Variants in PCDHGA10 observed in about 807,000 individuals in gnomAD.
PCDHGA10 encodes protocadherin gamma-A10.
Under a neutral mutation model 59.5 loss-of-function variants are expected in PCDHGA10, and 42 were observed. That is an observed-to-expected ratio of 0.71 (90% CI 0.55 to 0.91). The LOEUF (loss-of-function observed/expected upper bound fraction) is 0.91. Ranked by LOEUF, PCDHGA10 falls within the 40% of genes least tolerant of loss-of-function variation. The probability of loss-of-function intolerance (pLI) is 0.00; values close to 1 mark genes in which losing one functional copy is unlikely to be tolerated. For missense variants in PCDHGA10, 1,111 were observed against 1,198.2 expected (o/e 0.93, Z 1.07); for synonymous variants, 511 against 517.2 (o/e 0.99, Z 0.16).
Position 141,432,917 on chromosome 5 carries a change from C to A in PCDHGA10, c.2436+17306C>A. 6.2e-7 allele frequency: 1 copy of A among 1,614,166 alleles called. No homozygotes were observed. Among genetic ancestry groups the A allele is most frequent in the South Asian group, 1.1e-5 (1 of 91,086 alleles). On this transcript the variant is annotated intron_variant, in intron 1 of 3. Transcript: ENST00000398610. This position sits in a 1 kb window ranked among gnomAD's most constrained non-coding sequence, Gnocchi z 6.0. The stretch of plus-strand genomic sequence containing the variant: ...GCTGGCGCTCAGGCTGCGGCGCTGG[C>A]ACAAGTCACGCCTGCTGCAGGCTTC...
At position 141,489,295 on chromosome 5, in the gene PCDHGA10, T is replaced by C. The variant is rs2099685128; in HGVS notation, c.2437-5512T>C. 1.3e-6 allele frequency: 2 copies of C among 1,581,054 alleles called. No individual in the cohort carries two copies. The highest frequency in any genetic ancestry group is 1.7e-5 in the Admixed American group (1 of 57,148). ...TGGGAAATGGCAAGTGCTGTGCATG[T>C]TGTCCTTGTGCTGCTGGGGCTGGGT... On this transcript the variant is annotated intron_variant, in intron 1 of 3. Transcript: ENST00000398610. The surrounding 1 kb of genome is among the most constrained non-coding windows in gnomAD (Gnocchi z 4.5).
In PCDHGA10 at chr5:141,431,788, T is replaced by G. The variant is rs775397713; in HGVS notation, c.2436+16177T>G. 1 of 1,614,190 alleles carries G rather than the reference T, an allele frequency of 6.2e-7. No homozygotes were observed. The highest frequency in any genetic ancestry group is 1.1e-5 in the South Asian group (1 of 91,080). ...TCACTGTTCTGGACGTGAACGACAA[T>G]GCCCCAGAAGTGGTCCTCACCTCTC... On this transcript the variant is annotated intron_variant, in intron 1 of 3. Coordinates refer to ENST00000398610, the MANE Select transcript of PCDHGA10 (RefSeq NM_018913.3). The surrounding 1 kb of genome is among the most constrained non-coding windows in gnomAD (Gnocchi z 4.8).
intron 1 of PCDHGA10, among the ~76,000 whole-genome samples, chr5:141,468,216 T>C (rs2099160325): frequency 6.6e-6 from 1 of 150,794 alleles, no homozygotes. Flanking sequence ...TTCCAGCTAC[T>C]TGGGAGGATG....
At chr5:141,510,321 CA>C (rs1376271166) in intron 3 of PCDHGA10, among the ~76,000 whole-genome samples, 1 of 150,840 alleles carries the variant, frequency 6.6e-6, no homozygotes, top group Non-Finnish European at 1.5e-5. Context: ...CTTGGAAGAG[CA>C]CTCTTCACCC....
intron 1 of PCDHGA10, among the ~76,000 whole-genome samples, chr5:141,451,875 T>C (rs747595781): frequency 5.9e-5 from 9 of 151,594 alleles, no homozygotes; most frequent in Non-Finnish European, 1.3e-4. Context: ...AATGAAACCC[T>C]GTCAAGAAAG....
At chr5:141,416,501 T>C (rs1164504285) in intron 1 of PCDHGA10, 6 of 152,148 alleles carry the variant, frequency 3.9e-5, no homozygotes, top group Non-Finnish European at 7.4e-5. Context: ...AAGAGATATA[T>C]GACAAAGCTA....
At chr5:141,458,567 TTTTGTTTG>T (rs144471304) in intron 1 of PCDHGA10, among the ~76,000 whole-genome samples, 1 of 151,488 alleles carries the variant, frequency 6.6e-6, no homozygotes, top group Non-Finnish European at 1.5e-5. Flanking sequence ...GGTTTTGGGT[TTTTGTTTG>T]TTTGTTTGTT....
At chr5:141,419,411 C>T (rs757881409) in intron 1 of PCDHGA10, 7 of 1,613,344 alleles carry the variant, frequency 4.3e-6, no homozygotes, top group Non-Finnish European at 5.9e-6. Flanking sequence ...GTTCGCGCAG[C>T]GCGCCTTCGA....
At chr5:141,451,077 C>T (rs1422196268) in intron 1 of PCDHGA10, among the ~76,000 whole-genome samples, 1 of 152,098 alleles carries the variant, frequency 6.6e-6, no homozygotes, top group Admixed American at 6.6e-5. Context: ...ATCCACCCAC[C>T]TTGACCTCCC....
At chr5:141,510,695 C>T (rs1023505006) in intron 3 of PCDHGA10, among the ~76,000 whole-genome samples, 1 of 152,166 alleles carries the variant, frequency 6.6e-6, no homozygotes, top group Non-Finnish European at 1.5e-5. Context: ...GTTAGGTAGA[C>T]TTGCCCAGGA....
Position 141,413,338 on chromosome 5 carries a change from G to A in PCDHGA10, c.163G>A (p.Asp55Asn). The change falls in exon 1 of 4, where the codon GAC becomes AAC. Residue 55 changes from aspartate to asparagine, a missense_variant. Transcript: ENST00000398610. The part of the protein sequence containing the change: ...KGSFVGNISK[D>N]LGLAPRELAE... ...CTCTTTCGTGGGCAACATCTCCAAGGACTTGGGTCTGGCGCCCCGGGAGCT... is the reference window on the plus strand; with the variant it reads ...CTCTTTCGTGGGCAACATCTCCAAGAACTTGGGTCTGGCGCCCCGGGAGCT... 1 of 1,613,980 alleles carries A rather than the reference G, an allele frequency of 6.2e-7. No individual in the cohort carries two copies. The highest frequency in any genetic ancestry group is 1.3e-5 in the African/African-American group (1 of 75,068).
At position 141,476,675 on chromosome 5, in the gene PCDHGA10, C is replaced by T. The variant is rs2099395961; in HGVS notation, c.2437-18132C>T. On this transcript the variant is annotated intron_variant, in intron 1 of 3. Transcript: ENST00000398610. The surrounding 1 kb of genome is among the most constrained non-coding windows in gnomAD (Gnocchi z 7.6). ...ATACTTTGCGCTTCGCGTGCAGACG[C>T]GGGAGGACAGCACCAAGTACGCGGA... 1.2e-6 allele frequency: 2 copies of T among 1,614,124 alleles called. No homozygotes were observed. The highest frequency in any genetic ancestry group is 8.5e-7 in the Non-Finnish European group (1 of 1,180,062).
In PCDHGA10 at chr5:141,477,595, T is replaced by C. The variant is rs1289890776; in HGVS notation, c.2437-17212T>C. The C allele has an allele frequency of 6.2e-7, 1 of 1,614,176 alleles. No individual in the cohort carries two copies. Among genetic ancestry groups the C allele is most frequent in the Non-Finnish European group, 8.5e-7 (1 of 1,180,032 alleles). ...ACGCCCCGCAGAATGCTCGGCTTTC[T>C]TTCTTTCTCTTGGAGCAAGGAGCTG... On this transcript the variant is annotated intron_variant, in intron 1 of 3. Coordinates refer to ENST00000398610, the MANE Select transcript of PCDHGA10 (RefSeq NM_018913.3). This position sits in a 1 kb window ranked among gnomAD's most constrained non-coding sequence, Gnocchi z 4.9.
chr5:141,475,167 G>T (rs529813171), intron 1 of PCDHGA10, among the ~76,000 whole-genome samples: 1 of 152,160 alleles, frequency 6.6e-6, no homozygotes, highest in Admixed American at 6.5e-5. Flanking sequence ...CATTAGCAGT[G>T]CAACTTCTTG....
chr5:141,417,874 C>A (rs768197455), intron 1 of PCDHGA10: 2 of 1,555,202 alleles, frequency 1.3e-6, no homozygotes, highest in African/African-American at 2.7e-5. Context: ...GAGGGAGCTG[C>A]GCGCAGAGGC....
Position 141,431,142 on chromosome 5 carries a change from A to G in PCDHGA10, c.2436+15531A>G. ...GAAGTAGAAGTAAGGGACATTAACG[A>G]CAATGCGCCTTACTTTCGTGAAAGT... On this transcript the variant is annotated intron_variant, in intron 1 of 3. Coordinates refer to ENST00000398610, the MANE Select transcript of PCDHGA10 (RefSeq NM_018913.3). This position sits in a 1 kb window ranked among gnomAD's most constrained non-coding sequence, Gnocchi z 4.8. 1 of 1,614,240 alleles carries G rather than the reference A, an allele frequency of 6.2e-7. No individual in the cohort carries two copies. Among genetic ancestry groups the G allele is most frequent in the Non-Finnish European group, 8.5e-7 (1 of 1,180,024 alleles).
rs915257485 is a variant in PCDHGA10, at chr5:141,476,018, A to T, written c.2437-18789A>T. ...AACGGCATCCAGAAAGCCATGTCGG[A>T]CTCGGCGCCCAGCGCCCAAGCGCTA... On this transcript the variant is annotated intron_variant, in intron 1 of 3. Transcript: ENST00000398610. This position sits in a 1 kb window ranked among gnomAD's most constrained non-coding sequence, Gnocchi z 7.6. The T allele has an allele frequency of 5.8e-6, 8 of 1,371,412 alleles. No homozygotes were observed. Among genetic ancestry groups the T allele is most frequent in the Non-Finnish European group, 7.9e-6 (8 of 1,016,908 alleles). The allele number at this position is 1,371,412 out of a possible 1,614,324, so 85.0% of individuals were successfully genotyped here.
chr5:141,431,674 G>A lies in PCDHGA10; in HGVS notation c.2436+16063G>A, dbSNP rs756385496. ...ATTCAGGGACAATATCAACAATAGG[G>A]GAGTTGGACCACGAGGAGTCAGGAT... On this transcript the variant is annotated intron_variant, in intron 1 of 3. Transcript: ENST00000398610. The surrounding 1 kb of genome is among the most constrained non-coding windows in gnomAD (Gnocchi z 4.8). 4 of 1,614,234 alleles carry A rather than the reference G, an allele frequency of 2.5e-6. No individual in the cohort carries two copies. The Admixed American group carries it at 6.7e-5, about 27-fold the overall frequency.
chr5:141,418,635 C>G, intron 1 of PCDHGA10: 1 of 1,614,018 alleles, frequency 6.2e-7, no homozygotes. Flanking sequence ...CCTCCAGGCA[C>G]CTCCATCCTG....
Sources: gnomAD v4.1 joint callset for allele counts (sites outside exome capture counted in the v4.1 genomes callset) on GRCh38, gnomAD v4.1.1 for gene constraint, Gnocchi (gnomAD v3.1) non-coding constraint, MANE v1.5 for transcripts, NCBI Gene and HGNC (gene_info 2026-07-23, HGNC 2026-07-21) for gene names.